The following SPRY4 variants were observed in gnomAD, a reference collection of about 807,000 sequenced individuals.
The protein encoded by SPRY4 is protein sprouty homolog 4.
In SPRY4, 7 loss-of-function variants were observed where a neutral mutation model predicts 17.0. The observed-to-expected ratio is 0.41, with a 90% CI of 0.23 to 0.77. The LOEUF is 0.77. Ranked by LOEUF, SPRY4 falls within the 30% of genes least tolerant of loss-of-function variation. SPRY4 has a pLI of 0.32. For missense variants in SPRY4, 435 were observed against 419.9 expected, an observed-to-expected ratio of 1.04 and a Z score of -0.31; for synonymous variants, 183 against 174.1, an observed-to-expected ratio of 1.05 and a Z score of -0.40.
At chr5:142,323,214 C>CATAA (rs970152041) in intron 1 of SPRY4, among the ~76,000 whole-genome samples, 4 of 152,196 alleles carry the variant, frequency 2.6e-5, no homozygotes, top group Admixed American at 6.5e-5. Context: ...TTCTCTGAGC[C>CATAA]TTATACCTTC....
Position 142,314,136 on chromosome 5 carries a change from T to C in SPRY4, c.*73A>G, listed in dbSNP as rs1436385948. On this transcript the variant is annotated 3_prime_UTR_variant, in exon 2 of 2. Coordinates refer to ENST00000434127, the MANE Select transcript of SPRY4 (RefSeq NM_001127496.3). The surrounding 1 kb of genome is among the most constrained non-coding windows in gnomAD (Gnocchi z 4.8). ...CCTCAGGAGGCTAAAACCTCTGACC[T>C]TGCTGCAGTCTTCTTAGATGTCAGA... 7 of 1,488,756 alleles carry C rather than the reference T, an allele frequency of 4.7e-6. No homozygotes were observed. The highest frequency in any genetic ancestry group is 6.3e-6 in the Non-Finnish European group (7 of 1,112,708). 92.2% of individuals were successfully genotyped at this position (1,488,756 alleles called of 1,614,324 possible). A position where few individuals can be genotyped will look rare whatever the true frequency, so the allele number is the denominator to read the frequency against.
Position 142,314,116 on chromosome 5 carries a change from G to A in SPRY4, c.*93C>T, listed in dbSNP as rs1759034368. 1.5e-6 allele frequency: 2 copies of A among 1,358,800 alleles called. No individual in the cohort carries two copies. The highest frequency in any genetic ancestry group is 1.4e-5 in the South Asian group (1 of 71,074). The allele number at this position is 1,358,800 out of a possible 1,614,324, so 84.2% of individuals were successfully genotyped here. ...GGGCAGACTAGCAAGGTCAGCCTCA[G>A]GAGGCTAAAACCTCTGACCTTGCTG... On this transcript the variant is annotated 3_prime_UTR_variant, in exon 2 of 2. Coordinates refer to ENST00000434127, the MANE Select transcript of SPRY4 (RefSeq NM_001127496.3). This position sits in a 1 kb window ranked among gnomAD's most constrained non-coding sequence, Gnocchi z 4.8.
At position 142,314,142 on chromosome 5, in the gene SPRY4, C is replaced by T. The variant is rs1759035261; in HGVS notation, c.*67G>A. 6.7e-7 allele frequency: 1 copy of T among 1,492,824 alleles called. No individual in the cohort carries two copies. Among genetic ancestry groups the T allele is most frequent in the Non-Finnish European group, 9.0e-7 (1 of 1,112,142 alleles). The allele number at this position is 1,492,824 out of a possible 1,614,324, so 92.5% of individuals were successfully genotyped here. A position where few individuals can be genotyped will look rare whatever the true frequency, so the allele number is the denominator to read the frequency against. Reference sequence around the variant, plus strand: ...GAGGCTAAAACCTCTGACCTTGCTGCAGTCTTCTTAGATGTCAGAAGAGAA... The same window carrying T: ...GAGGCTAAAACCTCTGACCTTGCTGTAGTCTTCTTAGATGTCAGAAGAGAA... On this transcript the variant is annotated 3_prime_UTR_variant, in exon 2 of 2. Coordinates refer to ENST00000434127, the MANE Select transcript of SPRY4 (RefSeq NM_001127496.3). The surrounding 1 kb of genome is among the most constrained non-coding windows in gnomAD (Gnocchi z 4.8).
intron 1 of SPRY4, among the ~76,000 whole-genome samples, chr5:142,316,762 G>A (rs1367785980): frequency 6.6e-6 from 1 of 152,120 alleles, no homozygotes; most frequent in Admixed American, 6.5e-5. Context: ...ATAAAAAGGG[G>A]GCTATCCACG....
At chr5:142,319,763 C>T in intron 1 of SPRY4, 31 of 1,612,450 alleles carry the variant, frequency 1.9e-5, no homozygotes, top group Non-Finnish European at 2.6e-5. Flanking sequence ...GGGGGCTGAG[C>T]ATCAGGCTGC....
Position 142,315,034 on chromosome 5 carries a change from C to A in SPRY4, c.75G>T (p.Arg25=). ...SVMVQPLLDS[R]MSHSRLQHPL... ...GGTGCTGGAGCCGGCTGTGGGACAT[C>A]CGGCTGTCAAGAAGGGGCTGGACCA... The change falls in exon 2 of 2, where the codon CGG becomes CGT. Residue 25 remains arginine, a synonymous_variant. Transcript: ENST00000434127. 1.9e-6 allele frequency: 3 copies of A among 1,613,678 alleles called. No homozygotes were observed. The highest frequency in any genetic ancestry group is 2.5e-6 in the Non-Finnish European group (3 of 1,179,978).
rs1759022353 is a variant in SPRY4 at position 142,313,852 on chromosome 5, G to A, written c.*357C>T. On this transcript the variant is annotated 3_prime_UTR_variant, in exon 2 of 2. Transcript: ENST00000434127. ...GGGGGGGGGCGGAGGGAGGGAGGGA[G>A]AAGGAGGGGCTGGGAAGGCATTCAA... The A allele has an allele frequency of 4.9e-6, 1 of 202,662 alleles. No individual in the cohort carries two copies. The highest frequency in any genetic ancestry group is 9.9e-6 in the Non-Finnish European group (1 of 101,252). The allele number at this position is 202,662 out of a possible 1,614,324, so 12.6% of individuals were successfully genotyped here.
In SPRY4 at chr5:142,315,161, G is replaced by A. The variant is rs1419464531; in HGVS notation, c.-47-6C>T. ...GAAACAGGCTTCTAGGGGCCCTGGG[G>A]GTGGGGTGGGGAAAAGGAAGAGAGA... is the stretch of plus-strand genomic sequence containing the variant. On this transcript the variant is annotated splice_region_variant and splice_polypyrimidine_tract_variant and intron_variant, in intron 1 of 1. Transcript: ENST00000434127. The A allele has an allele frequency of 6.4e-7, 1 of 1,551,458 alleles. No individual in the cohort carries two copies.
Position 142,313,051 on chromosome 5 carries a change from GAA to G in SPRY4, c.*1156_*1157del, listed in dbSNP as rs1443611037. The G allele has an allele frequency of 6.6e-6, 1 of 152,622 alleles. No homozygotes were observed. Among genetic ancestry groups the G allele is most frequent in the Non-Finnish European group, 1.5e-5 (1 of 68,060 alleles). 9.5% of individuals were successfully genotyped at this position (152,622 alleles called of 1,614,324 possible). A position where few individuals can be genotyped will look rare whatever the true frequency, so the allele number is the denominator to read the frequency against. On this transcript the variant is annotated 3_prime_UTR_variant, in exon 2 of 2. Transcript: ENST00000434127. ...GCTATGACAGTGAGCAGCAGAATCAGAAGAGAAGAAACCCAAACCCAGCCTGG... is the reference window on the plus strand; with the variant it reads ...GCTATGACAGTGAGCAGCAGAATCAGGAGAAGAAACCCAAACCCAGCCTGG...
At chr5:142,324,488 G>C (rs888183411) in intron 1 of SPRY4, 3 of 152,364 alleles carry the variant, frequency 2.0e-5, no homozygotes, top group African/African-American at 4.8e-5. Flanking sequence ...AGAGACGCCC[G>C]TTCCAGCGTT....
At chr5:142,323,618 C>CA (rs1759426146) in intron 1 of SPRY4, among the ~76,000 whole-genome samples, 1 of 152,204 alleles carries the variant, frequency 6.6e-6, no homozygotes, top group Non-Finnish European at 1.5e-5. Flanking sequence ...GCCCATCCTT[C>CA]AGCCCTATAA....
At chr5:142,320,459 TC>T (rs1759309843) in intron 1 of SPRY4, among the ~76,000 whole-genome samples, 1 of 152,086 alleles carries the variant, frequency 6.6e-6, no homozygotes, top group African/African-American at 2.4e-5. Context: ...AACCCTCTTC[TC>T]TTCTCTCTTT....
Position 142,310,623 on chromosome 5 carries a change from G to A in SPRY4, c.*3586C>T, listed in dbSNP as rs1185352331. The A allele has an allele frequency of 6.6e-6, 1 of 152,436 alleles. No homozygotes were observed. Among genetic ancestry groups the A allele is most frequent in the Non-Finnish European group, 1.5e-5 (1 of 68,006 alleles). The allele number at this position is 152,436 out of a possible 1,614,324, so 9.4% of individuals were successfully genotyped here. On this transcript the variant is annotated 3_prime_UTR_variant, in exon 2 of 2. Coordinates refer to ENST00000434127, the MANE Select transcript of SPRY4 (RefSeq NM_001127496.3). The stretch of plus-strand genomic sequence containing the variant: ...GAAAACCTGTGGCAACTTTGTGGTG[G>A]GGTGGAAATGGGCTACAGTGAGGGG...
chr5:142,318,250 C>T (rs1292889254), intron 1 of SPRY4: 1 of 893,864 alleles, frequency 1.1e-6, no homozygotes, highest in Non-Finnish European at 1.3e-6. Flanking sequence ...TTTGGGAGGC[C>T]AAGGTAGGCA....
intron 1 of SPRY4, chr5:142,317,999 C>G: frequency 1.0e-6 from 1 of 985,352 alleles, no homozygotes; most frequent in Non-Finnish European, 1.2e-6. Context: ...AGTAGGATTC[C>G]TTTCAACCAC....
Position 142,314,874 on chromosome 5 carries a change from C to T in SPRY4, c.235G>A (p.Ala79Thr), listed in dbSNP as rs755750768. 27 of 1,595,542 alleles carry T rather than the reference C, an allele frequency of 1.7e-5. No homozygotes were observed. The highest frequency in any genetic ancestry group is 6.7e-5 in the East Asian group (3 of 44,594). ...GGAPELAPTP[A>T]RCDQDVTHHW... ...TGGGTGACATCCTGGTCACAGCGGGCGGGCGTCGGGGCCAGCTCTGGGGCC... is the reference window on the plus strand; with the variant it reads ...TGGGTGACATCCTGGTCACAGCGGGTGGGCGTCGGGGCCAGCTCTGGGGCC... The change falls in exon 2 of 2, where the codon GCC becomes ACC. Residue 79 changes from alanine to threonine, a missense_variant. Coordinates refer to ENST00000434127, the MANE Select transcript of SPRY4 (RefSeq NM_001127496.3). The surrounding 1 kb of genome is among the most constrained non-coding windows in gnomAD (Gnocchi z 4.8).
intron 1 of SPRY4, among the ~76,000 whole-genome samples, chr5:142,316,298 C>A (rs575768465): frequency 6.6e-6 from 1 of 151,962 alleles, no homozygotes; most frequent in African/African-American, 2.4e-5. Flanking sequence ...AATCAAAGAG[C>A]GGAAACTGCT....
chr5:142,317,227 TACCTCAGCCTGCCC>T (rs1163571848), intron 1 of SPRY4: 1 of 985,344 alleles, frequency 1.0e-6, no homozygotes, highest in Non-Finnish European at 1.2e-6. Context: ...CAGGGAATGC[TACCTCAGCCTGCCC>T]ACTTATTCTC....
intron 1 of SPRY4, among the ~76,000 whole-genome samples, chr5:142,322,356 A>T (rs1205431643): frequency 6.6e-6 from 1 of 151,960 alleles, no homozygotes; most frequent in Non-Finnish European, 1.5e-5. Flanking sequence ...CTGTAATTCC[A>T]GCTACTTGGG....
Sources: gnomAD v4.1 joint callset for allele counts (sites outside exome capture counted in the v4.1 genomes callset) on GRCh38, gnomAD v4.1.1 for gene constraint, Gnocchi (gnomAD v3.1) non-coding constraint, MANE v1.5 for transcripts, NCBI Gene and HGNC (gene_info 2026-07-23, HGNC 2026-07-21) for gene names.